Variants in PRPF8 observed in about 807,000 individuals in gnomAD.
The protein encoded by PRPF8 is pre-mRNA processing factor 8.
A neutral mutation model predicts 285.9 loss-of-function variants in PRPF8; 64 were observed. The observed-to-expected ratio is 0.22, with a 90% confidence interval of 0.18 to 0.28. PRPF8 has a LOEUF of 0.28. Ranked by LOEUF, PRPF8 falls within the 10% of genes least tolerant of loss-of-function variation. The probability of loss-of-function intolerance (pLI) is 1.00; values close to 1 mark genes in which losing one functional copy is unlikely to be tolerated. For missense variants in PRPF8, 1,426 were observed against 3,026.7 expected (o/e 0.47, Z 12.41); for synonymous variants, 1,325 against 1,118.2 (o/e 1.18, Z -3.69).
In PRPF8 at chr17:1,656,732, C is replaced by T; in HGVS notation, c.5535G>A (p.Val1845=). 1.2e-6 allele frequency: 2 copies of T among 1,614,064 alleles called. No individual in the cohort carries two copies. The highest frequency in any genetic ancestry group is 8.5e-7 in the Non-Finnish European group (1 of 1,180,010). Reference sequence around the variant, plus strand: ...CAGGCAGAGATCGGATCAGGGCGGCCACCTCCTCAGCTGTCTTCCACTTAG... The same window carrying T: ...CAGGCAGAGATCGGATCAGGGCGGCTACCTCCTCAGCTGTCTTCCACTTAG... ...QLAKWKTAEE[V]AALIRSLPVE... Residue 1845 remains valine (V), a synonymous_variant, in exon 35 of 43, where the codon GTG becomes GTA. Transcript: ENST00000304992.
intron 12 of PRPF8, 29 bp downstream of exon 12, chr17:1,678,733 A>C (rs1912746014): frequency 6.2e-7 from 1 of 1,613,980 alleles, no homozygotes; most frequent in Admixed American, 1.7e-5. Context: ...GTCCTCACCC[A>C]GGCAGGGGTT....
rs368743054 is a variant in PRPF8, at chr17:1,651,375, C to G, written c.6650+39G>C. 1 of 1,614,100 alleles carries G rather than the reference C, an allele frequency of 6.2e-7. No individual in the cohort carries two copies. The highest frequency in any genetic ancestry group is 8.5e-7 in the Non-Finnish European group (1 of 1,180,016). On this transcript the variant is annotated intron_variant, in intron 41 of 42. Transcript: ENST00000304992. This position sits in a 1 kb window ranked among gnomAD's most constrained non-coding sequence, Gnocchi z 5.1. The stretch of plus-strand genomic sequence containing the variant: ...TGTTCTGGGCCCTGGCCTGCAATCC[C>G]TGCCCCACCATACTTCCTCCCAAGG...
intron 5 of PRPF8, 61 bp from the exon 6 acceptor site, chr17:1,681,751 T>C: frequency 6.2e-7 from 1 of 1,609,580 alleles, no homozygotes; most frequent in African/African-American, 1.3e-5. Context: ...TACCACCTAC[T>C]GATCTCCCAG....
intron 2 of PRPF8, 107 bp from the exon 3 acceptor site, chr17:1,683,808 C>A (rs1913072694): frequency 1.4e-6 from 2 of 1,381,610 alleles, no homozygotes; most frequent in South Asian, 1.2e-5. Flanking sequence ...GAAGCAGGCA[C>A]CAGCAGGAAG....
intron 24 of PRPF8, among the ~76,000 whole-genome samples, chr17:1,666,071 C>A (rs1911965429): frequency 6.7e-6 from 1 of 149,232 alleles, no homozygotes; most frequent in Non-Finnish European, 1.5e-5. Flanking sequence ...GGAGCTGAAG[C>A]AGGAGAATGG....
chr17:1,667,837 C>T (rs574042764), intron 24 of PRPF8, among the ~76,000 whole-genome samples: 258 of 152,226 alleles, frequency 1.7e-3, no homozygotes, highest in Non-Finnish European at 2.7e-3. Flanking sequence ...CCACCGCACC[C>T]GGCCTATTTA....
rs1389406512 is a variant in PRPF8 at position 1,655,628 on chromosome 17, T to C, written c.5794-85A>G. 2.7e-5 allele frequency: 19 copies of C among 705,202 alleles called. No individual in the cohort carries two copies. In the East Asian group the frequency reaches 7.4e-4, roughly 28 times the overall value. The allele number at this position is 705,202 out of a possible 1,614,324, so 43.7% of individuals were successfully genotyped here. A position where few individuals can be genotyped will look rare whatever the true frequency, so the allele number is the denominator to read the frequency against. ...CCTAACCTTTCATGAAACCCAAGAATTTTTTTTTTTTCTTTTGAGACAGAG... is the reference window on the plus strand; with the variant it reads ...CCTAACCTTTCATGAAACCCAAGAACTTTTTTTTTTTCTTTTGAGACAGAG... On this transcript the variant is annotated intron_variant, in intron 36 of 42. Coordinates refer to ENST00000304992, the MANE Select transcript of PRPF8 (RefSeq NM_006445.4).
intron 24 of PRPF8, among the ~76,000 whole-genome samples, chr17:1,668,010 C>CTAAATA (rs1912089935): frequency 6.6e-6 from 1 of 152,218 alleles, no homozygotes; most frequent in African/African-American, 2.4e-5. Flanking sequence ...ATATGGCTTA[C>CTAAATA]TAAATACCCC....
chr17:1,671,591 C>G (rs931167898), intron 24 of PRPF8, among the ~76,000 whole-genome samples: 1 of 152,098 alleles, frequency 6.6e-6, no homozygotes, highest in South Asian at 2.1e-4. Context: ...GTGGCTCACG[C>G]CTGTAATCCC....
rs1376297527 is a variant in PRPF8, at chr17:1,672,895, G to T, written c.3774+186C>A. ...AAGGAGGCTACACAATTTCTACAAG[G>T]AACGCTCAGAAAATAACGATGAAGT... On this transcript the variant is annotated intron_variant, in intron 24 of 42. Coordinates refer to ENST00000304992, the MANE Select transcript of PRPF8 (RefSeq NM_006445.4). 9.2e-6 allele frequency: 6 copies of T among 650,944 alleles called. No homozygotes were observed. In the Admixed American group the frequency reaches 1.5e-4, roughly 16 times the overall value. 40.3% of individuals were successfully genotyped at this position (650,944 alleles called of 1,614,324 possible).
intron 39 of PRPF8, chr17:1,652,828 T>C (rs1911157977): frequency 6.5e-6 from 1 of 153,250 alleles, no homozygotes; most frequent in African/African-American, 2.5e-5. Context: ...GGGATTACAG[T>C]CATGAGCCAC....
At chr17:1,670,510 C>CA (rs1912247676) in intron 24 of PRPF8, among the ~76,000 whole-genome samples, 1 of 152,124 alleles carries the variant, frequency 6.6e-6, no homozygotes, top group Non-Finnish European at 1.5e-5. Flanking sequence ...TTTTTGGAGA[C>CA]AGAGTCTCAC....
At chr17:1,672,866 CAAG>C in intron 24 of PRPF8, 1 of 612,776 alleles carries the variant, frequency 1.6e-6, no homozygotes, top group Non-Finnish European at 2.9e-6. Flanking sequence ...CACAAGTCCA[CAAG>C]AAGGAGGCTA....
In PRPF8 at chr17:1,660,008, G is replaced by A. The variant is rs1176566816; in HGVS notation, c.4786-7C>T. Reference sequence around the variant, plus strand: ...CAAGTTCCTGGTCAAACACCTGAAGGAAAACATGGAGAGATTAAGACTTGT... The same window carrying A: ...CAAGTTCCTGGTCAAACACCTGAAGAAAAACATGGAGAGATTAAGACTTGT... On this transcript the variant is annotated splice_polypyrimidine_tract_variant and splice_region_variant and intron_variant, in intron 30 of 42. Coordinates refer to ENST00000304992, the MANE Select transcript of PRPF8 (RefSeq NM_006445.4). The A allele has an allele frequency of 5.6e-6, 9 of 1,613,754 alleles. No homozygotes were observed. Among genetic ancestry groups the A allele is most frequent in the African/African-American group, 4.0e-5 (3 of 74,920 alleles).
intron 30 of PRPF8, 62 bp downstream of exon 30, chr17:1,660,370 C>G: frequency 6.2e-7 from 1 of 1,610,416 alleles, no homozygotes; most frequent in Non-Finnish European, 8.5e-7. Context: ...ACAGTACCCT[C>G]TCCCCTCAAT....
intron 24 of PRPF8, among the ~76,000 whole-genome samples, chr17:1,663,094 C>T (rs1418883348): frequency 6.6e-6 from 1 of 152,038 alleles, no homozygotes; most frequent in Non-Finnish European, 1.5e-5. Flanking sequence ...GTGTATTATT[C>T]TAAGGTTCTT....
Position 1,670,196 on chromosome 17 carries a change from T to C in PRPF8, c.3774+2885A>G, listed in dbSNP as rs79278451. ...ATCTTGGAACTGAAGAAATAAGGTA[T>C]AAATAAATACCTGGGGAAATCTCCA... On this transcript the variant is annotated intron_variant, in intron 24 of 42. Transcript: ENST00000304992. Among the ~76,000 whole-genome samples the C allele has an allele frequency of 4.6e-3, 700 of 152,328 alleles. 1 individual carries two copies. The highest frequency in any genetic ancestry group is 6.4e-3 in the Non-Finnish European group (434 of 68,030).
In PRPF8 at chr17:1,661,070, G is replaced by A. The variant is rs1431727140; in HGVS notation, c.4431C>T (p.Ala1477=). Residue 1477 remains alanine, a synonymous_variant, in exon 28 of 43, where the codon GCC becomes GCT. Coordinates refer to ENST00000304992, the MANE Select transcript of PRPF8 (RefSeq NM_006445.4). This position sits in a 1 kb window ranked among gnomAD's most constrained non-coding sequence, Gnocchi z 7.3. ...CCAGAATGCCTTCCACACCGCCCAG[G>A]GCCTGGATCATGTCTGTACGGTAGT... The part of the protein sequence containing the change: ...LNNYRTDMIQ[A]LGGVEGILEH... 6 of 1,614,124 alleles carry A rather than the reference G, an allele frequency of 3.7e-6. No homozygotes were observed. The Admixed American group carries it at 1.0e-4, about 27-fold the overall frequency.
chr17:1,673,438 G>A lies in PRPF8; in HGVS notation c.3576C>T (p.Phe1192=), dbSNP rs574003170. Residue 1192 remains phenylalanine, a synonymous_variant, in exon 23 of 43, where the codon TTC becomes TTT. Transcript: ENST00000304992. This position sits in a 1 kb window ranked among gnomAD's most constrained non-coding sequence, Gnocchi z 5.5. ...NPNLLFNMCG[F]ECRILPKCRT... ...GGCACTTAGGCAGGATGCGGCACTC[G>A]AAGCCACACATGTTGAACAGCAGGT... The A allele has an allele frequency of 2.3e-5, 37 of 1,614,100 alleles. No homozygotes were observed. Among genetic ancestry groups the A allele is most frequent in the East Asian group, 1.6e-4 (7 of 44,882 alleles).
Sources: allele counts gnomAD v4.1 joint callset (sites outside exome capture counted in the v4.1 genomes callset), GRCh38; gene constraint gnomAD v4.1.1; non-coding constraint Gnocchi (gnomAD v3.1); transcripts MANE v1.5; gene names NCBI Gene and HGNC (gene_info 2026-07-23, HGNC 2026-07-21).